SPEN: variants seen among roughly 807,000 people sequenced by gnomAD.
The protein encoded by SPEN is spen family transcriptional repressor, also known as msx2-interacting protein.
Under a neutral mutation model 269.9 loss-of-function variants are expected in SPEN, and 18 were observed. The ratio of observed to expected loss-of-function variants is 0.07; its 90% CI spans 0.05 to 0.10. SPEN has a LOEUF of 0.10. SPEN is among the 10% of genes least tolerant of loss of function. SPEN has a pLI of 1.00. For missense variants in SPEN, 3,822 were observed against 4,631.2 expected (o/e 0.83, Z 5.07); for synonymous variants, 1,726 against 1,765.7 (o/e 0.98, Z 0.56).
At chr1:15,913,735 A>G (rs1187685247) in intron 5 of SPEN, among the ~76,000 whole-genome samples, 1 of 152,036 alleles carries the variant, frequency 6.6e-6, no homozygotes, top group Non-Finnish European at 1.5e-5. Flanking sequence ...CAAAAAATAA[A>G]AAATCAGCCA....
chr1:15,899,902 A>G (rs1174213866), intron 3 of SPEN, among the ~76,000 whole-genome samples: 3 of 151,734 alleles, frequency 2.0e-5, no homozygotes, highest in Non-Finnish European at 4.4e-5. Context: ...CTGGAGTGTA[A>G]TGGCGCTATC....
intron 3 of SPEN, among the ~76,000 whole-genome samples, chr1:15,884,949 T>A (rs1251290114): frequency 6.6e-6 from 1 of 152,132 alleles, no homozygotes; most frequent in Non-Finnish European, 1.5e-5. Context: ...CAGGCTAGTT[T>A]CAAATTCCTG....
chr1:15,852,035 T>G (rs1293089035), intron 1 of SPEN, among the ~76,000 whole-genome samples: 1 of 152,212 alleles, frequency 6.6e-6, no homozygotes, highest in East Asian at 1.9e-4. Context: ...TTTTGCTGAT[T>G]TAAAATGTTT....
intron 1 of SPEN, among the ~76,000 whole-genome samples, chr1:15,850,643 A>G (rs773260944): frequency 1.0e-3 from 153 of 152,178 alleles, no homozygotes; most frequent in Non-Finnish European, 1.7e-3. Flanking sequence ...AGCTAAGTGG[A>G]CCTTGTTTGG....
intron 10 of SPEN, among the ~76,000 whole-genome samples, chr1:15,922,998 G>A (rs565550813): frequency 6.6e-6 from 1 of 152,180 alleles, no homozygotes; most frequent in South Asian, 2.1e-4. Flanking sequence ...ATGTTAGAGT[G>A]CATTATAAAC....
At chr1:15,858,536 A>G (rs935778847) in intron 1 of SPEN, among the ~76,000 whole-genome samples, 1 of 152,200 alleles carries the variant, frequency 6.6e-6, no homozygotes, top group Non-Finnish European at 1.5e-5. Flanking sequence ...TTGCATAAGT[A>G]CGCCCTGTTG....
At chr1:15,864,915 G>A (rs899283787) in intron 1 of SPEN, among the ~76,000 whole-genome samples, 13 of 151,908 alleles carry the variant, frequency 8.6e-5, no homozygotes, top group Admixed American at 1.3e-4. Flanking sequence ...TCCCCAGGTT[G>A]GTCTTGATGT....
intron 8 of SPEN, 90 bp downstream of exon 8, chr1:15,919,607 T>A: frequency 2.8e-6 from 2 of 720,290 alleles, no homozygotes; most frequent in South Asian, 2.6e-5. Context: ...TAGCATTGCC[T>A]ATTTCTTTAA....
intron 6 of SPEN, among the ~76,000 whole-genome samples, chr1:15,917,428 C>T (rs747609758): frequency 6.6e-6 from 1 of 152,130 alleles, no homozygotes; most frequent in Non-Finnish European, 1.5e-5. Flanking sequence ...TCACTCTTGT[C>T]ACCCAGGCTG....
rs2148742315 is a variant in SPEN, at chr1:15,934,130, C to T, written c.7890C>T (p.Asp2630=). Residue 2630 remains aspartate, a synonymous_variant, in exon 11 of 15, where the codon GAC becomes GAT. Coordinates refer to ENST00000375759, the MANE Select transcript of SPEN (RefSeq NM_015001.3). The surrounding 1 kb of genome is among the most constrained non-coding windows in gnomAD (Gnocchi z 9.2). ...SVISRMPVSI[D]LENSQKITLA... Reference sequence around the variant, plus strand: ...TTAGCCGGATGCCTGTCAGCATTGACCTGGAAAATTCACAGAAGATAACCT... The same window carrying T: ...TTAGCCGGATGCCTGTCAGCATTGATCTGGAAAATTCACAGAAGATAACCT... The T allele has an allele frequency of 6.2e-7, 1 of 1,614,146 alleles. No homozygotes were observed. Among genetic ancestry groups the T allele is most frequent in the Non-Finnish European group, 8.5e-7 (1 of 1,180,004 alleles).
At chr1:15,860,455 G>GTA (rs1194791527) in intron 1 of SPEN, among the ~76,000 whole-genome samples, 3 of 149,668 alleles carry the variant, frequency 2.0e-5, no homozygotes, top group Non-Finnish European at 3.0e-5. Flanking sequence ...GTGTGTGTGT[G>GTA]TGTGTGTGTG....
At position 15,852,840 on chromosome 1, in the gene SPEN, C is replaced by T. The variant is rs960282157; in HGVS notation, c.83+4690C>T. ...ATTGAAAATATTCCATGAAAACCAG[C>T]ATATCCAATTGGAGACTATATATTT... On this transcript the variant is annotated intron_variant, in intron 1 of 14. Coordinates refer to ENST00000375759, the MANE Select transcript of SPEN (RefSeq NM_015001.3). Among the ~76,000 whole-genome samples the T allele has an allele frequency of 1.4e-4, 22 of 152,196 alleles. 1 individual carries two copies. The highest frequency in any genetic ancestry group is 2.5e-4 in the Non-Finnish European group (17 of 68,032).
At chr1:15,849,335 C>T (rs1053657792) in intron 1 of SPEN, among the ~76,000 whole-genome samples, 2 of 152,186 alleles carry the variant, frequency 1.3e-5, no homozygotes, top group Admixed American at 6.5e-5. Context: ...AAATAGATTG[C>T]GTCGCTCGCT....
chr1:15,853,176 A>T (rs2148701355), intron 1 of SPEN, among the ~76,000 whole-genome samples: 1 of 151,516 alleles, frequency 6.6e-6, no homozygotes, highest in East Asian at 2.0e-4. Context: ...TATTTTCATT[A>T]TTTTTTTATT....
rs1425587928 is a variant in SPEN, at chr1:15,929,535, CAAG to C, written c.3299_3301del (p.Glu1100del). ...ACTAGCAGGTGAATCTGTGGAAAAT[CAAG>C]AAGTCCAATCAAAAAAGCCCATTCC... On this transcript the variant is annotated inframe_deletion, in exon 11 of 15. Transcript: ENST00000375759. This position sits in a 1 kb window ranked among gnomAD's most constrained non-coding sequence, Gnocchi z 5.8. The C allele has an allele frequency of 6.2e-7, 1 of 1,613,784 alleles. No homozygotes were observed. The highest frequency in any genetic ancestry group is 1.1e-5 in the South Asian group (1 of 91,040).
At chr1:15,904,705 G>A (rs993104651) in intron 3 of SPEN, among the ~76,000 whole-genome samples, 40 of 148,288 alleles carry the variant, frequency 2.7e-4, no homozygotes, top group Non-Finnish European at 2.5e-4. Flanking sequence ...CACCTGACTC[G>A]GCCTCCCAAA....
chr1:15,849,944 A>C (rs919154600), intron 1 of SPEN, among the ~76,000 whole-genome samples: 5 of 152,086 alleles, frequency 3.3e-5, no homozygotes, highest in African/African-American at 1.2e-4. Flanking sequence ...CCTCAGTGTT[A>C]TGTGCCTAGA....
intron 9 of SPEN, 99 bp from the exon 10 acceptor site, chr1:15,922,150 C>T (rs1270967271): frequency 1.2e-6 from 1 of 844,168 alleles, no homozygotes; most frequent in East Asian, 2.5e-5. Flanking sequence ...CTGAAATTTT[C>T]TCAGAAGGGC....
Position 15,929,060 on chromosome 1 carries a change from A to G in SPEN, c.2820A>G (p.Pro940=), listed in dbSNP as rs2071196151. ...SKLESVRMKV[P]KEKGLSSHVE... is the part of the protein sequence containing the mutation. ...TGGAATCAGTTAGAATGAAAGTACC[A>G]AAGGAAAAGGGGCTTTCAAGCCATG... Residue 940 remains proline (P), a synonymous_variant, in exon 11 of 15, where the codon CCA becomes CCG. Transcript: ENST00000375759. The surrounding 1 kb of genome is among the most constrained non-coding windows in gnomAD (Gnocchi z 5.8). The G allele has an allele frequency of 6.2e-7, 1 of 1,614,108 alleles. No individual in the cohort carries two copies. Among genetic ancestry groups the G allele is most frequent in the Admixed American group, 1.7e-5 (1 of 60,010 alleles).
Sources: allele counts gnomAD v4.1 joint callset (sites outside exome capture counted in the v4.1 genomes callset), GRCh38; gene constraint gnomAD v4.1.1; non-coding constraint Gnocchi (gnomAD v3.1); transcripts MANE v1.5; gene names NCBI Gene and HGNC (gene_info 2026-07-23, HGNC 2026-07-21).